ACO2: variants seen among roughly 807,000 people sequenced by gnomAD.
ACO2 encodes the protein aconitase 2.
A neutral mutation model predicts 84.5 loss-of-function variants in ACO2; 31 were observed. The ratio of observed to expected loss-of-function variants is 0.37; its 90% CI spans 0.28 to 0.50. The LOEUF is 0.50. Among genes scored for constraint, ACO2 ranks in the 20% least tolerant of loss-of-function variants. The pLI, the probability that ACO2 is intolerant of heterozygous loss-of-function variation, is 0.97. For synonymous variants in ACO2, 414 were observed against 412.7 expected (o/e 1.00, Z -0.04); for missense variants, 685 against 1,029.3 (o/e 0.67, Z 4.58).
intron 3 of ACO2, among the ~76,000 whole-genome samples, chr22:41,511,300 T>TA (rs1157928509): frequency 6.6e-6 from 1 of 152,168 alleles, no homozygotes; most frequent in Admixed American, 6.5e-5. Context: ...GCCTCCCGAG[T>TA]AACTGGAATT....
At chr22:41,504,396 C>A (rs528687341) in intron 2 of ACO2, among the ~76,000 whole-genome samples, 1 of 152,294 alleles carries the variant, frequency 6.6e-6, no homozygotes, top group South Asian at 2.1e-4. Context: ...GATATGAAGA[C>A]CCATTTTGTC....
intron 9 of ACO2, among the ~76,000 whole-genome samples, 155 bp downstream of exon 9, chr22:41,520,431 A>C (rs2066514707): frequency 1.3e-5 from 2 of 152,148 alleles, no homozygotes; most frequent in Admixed American, 1.3e-4. Context: ...TTCGGCCAGA[A>C]GTGGTGGCTC....
chr22:41,496,398 G>C (rs1245663324), intron 1 of ACO2, among the ~76,000 whole-genome samples: 1 of 146,730 alleles, frequency 6.8e-6, no homozygotes, highest in East Asian at 2.1e-4. Context: ...GGGTAGCTGT[G>C]TGTACACTTA....
chr22:41,483,031 G>C (rs544558438), intron 1 of ACO2, among the ~76,000 whole-genome samples: 50 of 152,354 alleles, frequency 3.3e-4, no homozygotes, highest in Admixed American at 1.8e-3. Context: ...TATGGGAGTT[G>C]ATGAGGGGAG....
At chr22:41,469,938 T>G (rs1162151171) in intron 1 of ACO2, among the ~76,000 whole-genome samples, 1 of 152,176 alleles carries the variant, frequency 6.6e-6, no homozygotes, top group Non-Finnish European at 1.5e-5. Flanking sequence ...CACCACTCAG[T>G]TCTTGTTTAT....
At chr22:41,494,526 C>T (rs973173451) in intron 1 of ACO2, among the ~76,000 whole-genome samples, 3 of 151,408 alleles carry the variant, frequency 2.0e-5, no homozygotes, top group Non-Finnish European at 4.4e-5. Flanking sequence ...ATTCTCCTGC[C>T]TCAGCCTCCT....
At chr22:41,490,924 A>T (rs748826568) in intron 1 of ACO2, among the ~76,000 whole-genome samples, 9 of 152,060 alleles carry the variant, frequency 5.9e-5, no homozygotes, top group Non-Finnish European at 1.2e-4. Context: ...ATGAATAAAC[A>T]GAGACAATCT....
At chr22:41,472,316 G>T (rs1364589353) in intron 1 of ACO2, among the ~76,000 whole-genome samples, 1 of 150,374 alleles carries the variant, frequency 6.7e-6, no homozygotes, top group Non-Finnish European at 1.5e-5. Flanking sequence ...TCGCGCCACT[G>T]CACTACAGCC....
chr22:41,525,501 T>C (rs1399751864), intron 14 of ACO2, among the ~76,000 whole-genome samples, 153 bp downstream of exon 14: 3 of 152,150 alleles, frequency 2.0e-5, no homozygotes, highest in Non-Finnish European at 2.9e-5. Flanking sequence ...AGAGAGGGTA[T>C]CGCAACGCAG....
intron 1 of ACO2, among the ~76,000 whole-genome samples, chr22:41,471,382 C>G (rs1003693413): frequency 4.6e-5 from 7 of 152,180 alleles, no homozygotes; most frequent in African/African-American, 1.7e-4. Flanking sequence ...CCAACTAACA[C>G]GGTTTCTCTG....
chr22:41,504,596 C>T (rs1053465381), intron 2 of ACO2, among the ~76,000 whole-genome samples: 3 of 150,508 alleles, frequency 2.0e-5, no homozygotes, highest in Non-Finnish European at 3.0e-5. Context: ...CCAGCCTTGG[C>T]GGTGCTGCCG....
At chr22:41,509,802 G>A (rs1459741076) in intron 3 of ACO2, among the ~76,000 whole-genome samples, 3 of 140,446 alleles carry the variant, frequency 2.1e-5, no homozygotes, top group Non-Finnish European at 4.5e-5. Context: ...TTTAAGCGGA[G>A]AAAGAATATG....
intron 1 of ACO2, among the ~76,000 whole-genome samples, chr22:41,497,330 A>C (rs1468540814): frequency 6.6e-6 from 1 of 151,932 alleles, no homozygotes; most frequent in Non-Finnish European, 1.5e-5. Context: ...CAGCCTCCCA[A>C]AGTGCTGGGA....
intron 2 of ACO2, among the ~76,000 whole-genome samples, chr22:41,502,798 G>A (rs976360453): frequency 5.3e-5 from 8 of 152,024 alleles, no homozygotes; most frequent in African/African-American, 1.7e-4. Flanking sequence ...TAGTAAAGAT[G>A]GGGGTTTCAC....
intron 4 of ACO2, chr22:41,512,185 A>T: frequency 2.1e-6 from 1 of 470,670 alleles, no homozygotes; most frequent in Non-Finnish European, 3.7e-6. Context: ...AATACCTCCT[A>T]ACCACCCAGG....
chr22:41,505,080 A>G (rs1038147036), intron 2 of ACO2, among the ~76,000 whole-genome samples: 5 of 151,958 alleles, frequency 3.3e-5, no homozygotes, highest in Non-Finnish European at 7.4e-5. Flanking sequence ...AGCTTGCAGA[A>G]GGAAGTTTCT....
At chr22:41,479,885 G>A (rs2038067152) in intron 1 of ACO2, among the ~76,000 whole-genome samples, 1 of 152,308 alleles carries the variant, frequency 6.6e-6, no homozygotes, top group South Asian at 2.1e-4. Context: ...TCAGATGAGC[G>A]AATCTGTCAT....
intron 1 of ACO2, among the ~76,000 whole-genome samples, chr22:41,484,709 C>T (rs766837042): frequency 1.3e-5 from 2 of 151,956 alleles, no homozygotes; most frequent in South Asian, 4.2e-4. Flanking sequence ...GGAACCCATT[C>T]ATATTATTTC....
chr22:41,524,928 T>G lies in ACO2; in HGVS notation c.1565T>G (p.Phe522Cys). The change falls in exon 13 of 18, where the codon TTC becomes TGC. Residue 522 changes from phenylalanine to cysteine, a missense_variant. By Grantham distance (205) the Phe-to-Cys change is radical. This residue lies in a region of ACO2 where 311 missense variants were observed against 441.6 expected (regional missense o/e 0.70). Coordinates refer to ENST00000216254, the MANE Select transcript of ACO2 (RefSeq NM_001098.3). ...CTGACGGGCACGGATGGCAAGAAGT[T>G]CAGGCTGGAGGCTCCGGATGCAGAT... ...DYLTGTDGKK[F>C]RLEAPDADEL... 1.9e-6 allele frequency: 3 copies of G among 1,614,158 alleles called. No homozygotes were observed. Among genetic ancestry groups the G allele is most frequent in the Non-Finnish European group, 2.5e-6 (3 of 1,180,028 alleles).
Sources: gnomAD v4.1 joint callset for allele counts (sites outside exome capture counted in the v4.1 genomes callset) on GRCh38, gnomAD v4.1.1 for gene constraint, gnomAD v4.1.1 regional missense constraint, MANE v1.5 for transcripts, NCBI Gene and HGNC (gene_info 2026-07-23, HGNC 2026-07-21) for gene names.